Variants in DCLK3 observed in about 807,000 individuals in gnomAD.
DCLK3 encodes the protein serine/threonine-protein kinase DCLK3.
In DCLK3, 30 loss-of-function variants were observed where a neutral mutation model predicts 46.4. The ratio of observed to expected loss-of-function variants is 0.65; its 90% CI spans 0.48 to 0.88. The LOEUF (loss-of-function observed/expected upper bound fraction) is 0.88, where lower values mean the gene tolerates loss of function less well. Ranked by LOEUF, DCLK3 falls within the 40% of genes least tolerant of loss-of-function variation. DCLK3 has a pLI of 0.00. For missense variants in DCLK3, 846 were observed against 907.1 expected (o/e 0.93, Z 0.87); for synonymous variants, 401 against 339.2 (o/e 1.18, Z -2.00).
rs532019170 is a variant in DCLK3, at chr3:36,749,757, T to C, written c.83-10673A>G. Among the ~76,000 whole-genome samples the C allele has an allele frequency of 1.1e-4, 17 of 152,350 alleles. No individual in the cohort carries two copies. In the South Asian group the frequency reaches 3.5e-3, roughly 32 times the overall value. On this transcript the variant is annotated intron_variant, in intron 1 of 4. Coordinates refer to ENST00000636136, the MANE Select transcript of DCLK3 (RefSeq NM_001394672.2). Reference sequence around the variant, plus strand: ...GATTCTTCAGAAAGTGGTTTTTAAATGATTTTGACTTCTTGATAAGACAAC... The same window carrying C: ...GATTCTTCAGAAAGTGGTTTTTAAACGATTTTGACTTCTTGATAAGACAAC...
intron 2 of DCLK3, among the ~76,000 whole-genome samples, chr3:36,732,394 T>C (rs1322971168): frequency 1.3e-5 from 2 of 152,222 alleles, no homozygotes; most frequent in Non-Finnish European, 2.9e-5. Context: ...TCACTGAGTG[T>C]ACAGATACTA....
At chr3:36,716,998 C>A (rs1700988131) in intron 4 of DCLK3, among the ~76,000 whole-genome samples, 1 of 152,214 alleles carries the variant, frequency 6.6e-6, no homozygotes, top group Non-Finnish European at 1.5e-5. Context: ...ATTTTCCCTT[C>A]CCTCATCCTC....
chr3:36,730,960 G>A (rs1477060256), intron 2 of DCLK3, among the ~76,000 whole-genome samples: 1 of 152,002 alleles, frequency 6.6e-6, no homozygotes, highest in Non-Finnish European at 1.5e-5. Context: ...GGCGAGTGAG[G>A]AGCTGAATGG....
chr3:36,724,063 G>C (rs917561979), intron 2 of DCLK3, among the ~76,000 whole-genome samples: 3 of 152,212 alleles, frequency 2.0e-5, no homozygotes, highest in Admixed American at 2.0e-4. Context: ...AAGACCATGG[G>C]AACCCACCTC....
chr3:36,739,332 A>G (rs926847721), intron 1 of DCLK3, among the ~76,000 whole-genome samples: 2 of 152,202 alleles, frequency 1.3e-5, no homozygotes, highest in Non-Finnish European at 2.9e-5. Flanking sequence ...AGGGGCCCCC[A>G]GGATGGGCCA....
intron 1 of DCLK3, among the ~76,000 whole-genome samples, chr3:36,746,154 C>T (rs1368492633): frequency 6.6e-6 from 1 of 152,166 alleles, no homozygotes; most frequent in Non-Finnish European, 1.5e-5. Flanking sequence ...CTCAGAAGTG[C>T]CTCTGTCCAG....
At chr3:36,758,321 C>T (rs984988612) in intron 1 of DCLK3, among the ~76,000 whole-genome samples, 5 of 152,130 alleles carry the variant, frequency 3.3e-5, no homozygotes, top group African/African-American at 1.2e-4. Context: ...ACCATATATA[C>T]TCTTGCATTT....
At chr3:36,741,490 G>A (rs1043003594) in intron 1 of DCLK3, among the ~76,000 whole-genome samples, 2 of 152,166 alleles carry the variant, frequency 1.3e-5, no homozygotes, top group East Asian at 3.8e-4. Context: ...CAAGAGGGCA[G>A]ACCTACCAGG....
At chr3:36,754,300 C>T (rs1199899665) in intron 1 of DCLK3, among the ~76,000 whole-genome samples, 1 of 152,196 alleles carries the variant, frequency 6.6e-6, no homozygotes, top group Non-Finnish European at 1.5e-5. Flanking sequence ...GGAGCTTCAA[C>T]CTAATGTATT....
At chr3:36,755,159 G>A (rs573941707) in intron 1 of DCLK3, among the ~76,000 whole-genome samples, 17 of 152,276 alleles carry the variant, frequency 1.1e-4, no homozygotes, top group East Asian at 1.9e-4. Flanking sequence ...TAGAAAAGCC[G>A]TTTAAATGAC....
At chr3:36,752,664 A>G (rs995668560) in intron 1 of DCLK3, among the ~76,000 whole-genome samples, 1 of 152,150 alleles carries the variant, frequency 6.6e-6, no homozygotes, top group Admixed American at 6.5e-5. Context: ...TGGATCTAAT[A>G]TCATTACTCC....
At chr3:36,755,825 T>C (rs925326724) in intron 1 of DCLK3, among the ~76,000 whole-genome samples, 1 of 152,212 alleles carries the variant, frequency 6.6e-6, no homozygotes, top group Admixed American at 6.5e-5. Flanking sequence ...TAAAAGACTC[T>C]TGCTTGTATG....
At chr3:36,732,370 G>A (rs1701208940) in intron 2 of DCLK3, among the ~76,000 whole-genome samples, 1 of 152,126 alleles carries the variant, frequency 6.6e-6, no homozygotes, top group African/African-American at 2.4e-5. Context: ...GCCAAACCCT[G>A]GAAATACATA....
intron 2 of DCLK3, among the ~76,000 whole-genome samples, chr3:36,723,144 G>T (rs1701082757): frequency 6.6e-6 from 1 of 152,206 alleles, no homozygotes; most frequent in African/African-American, 2.4e-5. Context: ...GGTGACTCTT[G>T]CTACATTTTA....
chr3:36,720,091 G>C (rs1701036694), intron 3 of DCLK3, among the ~76,000 whole-genome samples: 1 of 152,202 alleles, frequency 6.6e-6, no homozygotes, highest in Non-Finnish European at 1.5e-5. Flanking sequence ...TTAGATCATG[G>C]GGGTGGATCC....
chr3:36,755,320 C>T (rs906961000), intron 1 of DCLK3, among the ~76,000 whole-genome samples: 8 of 151,940 alleles, frequency 5.3e-5, no homozygotes, highest in Non-Finnish European at 1.2e-4. Context: ...AAATATATTA[C>T]AGAGCTACAA....
intron 1 of DCLK3, among the ~76,000 whole-genome samples, chr3:36,755,496 G>C: frequency 6.6e-6 from 1 of 151,756 alleles, no homozygotes; most frequent in East Asian, 1.9e-4. Context: ...TTAATAATTT[G>C]GAAATAAAAT....
rs995185624 is a variant in DCLK3, at chr3:36,714,210, C to G, written c.*1118G>C. The G allele has an allele frequency of 2.0e-5, 3 of 152,220 alleles. No individual in the cohort carries two copies. Among genetic ancestry groups the G allele is most frequent in the African/African-American group, 7.2e-5 (3 of 41,448 alleles). 9.4% of individuals were successfully genotyped at this position (152,220 alleles called of 1,614,324 possible). ...ATTCCTTATGTTGAATTCTCTAGTACTATTCCGGTTTTCCTAACTAACACA... is the reference window on the plus strand; with the variant it reads ...ATTCCTTATGTTGAATTCTCTAGTAGTATTCCGGTTTTCCTAACTAACACA... On this transcript the variant is annotated 3_prime_UTR_variant, in exon 5 of 5. Transcript: ENST00000636136.
At chr3:36,759,063 T>C (rs958579669) in intron 1 of DCLK3, among the ~76,000 whole-genome samples, 1 of 152,240 alleles carries the variant, frequency 6.6e-6, no homozygotes, top group Non-Finnish European at 1.5e-5. Flanking sequence ...TTTAGACCCA[T>C]GTAAAACTAC....
Sources: allele counts gnomAD v4.1 joint callset (sites outside exome capture counted in the v4.1 genomes callset), GRCh38; gene constraint gnomAD v4.1.1; transcripts MANE v1.5; gene names NCBI Gene and HGNC (gene_info 2026-07-23, HGNC 2026-07-21).